The following IL12RB2 variants were observed in gnomAD, a reference collection of about 807,000 sequenced individuals.
IL12RB2 encodes interleukin 12 receptor subunit beta 2, also known as interleukin-12 receptor subunit beta-2.
IL12RB2 carries 82 observed loss-of-function variants against 89.4 expected under a neutral mutation model. The ratio of observed to expected loss-of-function variants is 0.92; its 90% confidence interval spans 0.77 to 1.10. The LOEUF is 1.10. IL12RB2 is among the 50% of genes least tolerant of loss of function. IL12RB2 has a pLI of 0.00. For missense variants in IL12RB2, 963 were observed against 1,031.9 expected, an observed-to-expected ratio of 0.93 and a Z score of 0.92; for synonymous variants, 368 against 370.1, an observed-to-expected ratio of 0.99 and a Z score of 0.07.
At chr1:67,339,734 GTGAA>G (rs1409943627) in intron 9 of IL12RB2, among the ~76,000 whole-genome samples, 2 of 152,150 alleles carry the variant, frequency 1.3e-5, no homozygotes, top group Admixed American at 1.3e-4. Context: ...GAATGAATGA[GTGAA>G]TGAAAAAACG....
At chr1:67,376,385 G>A (rs1006296052) in intron 13 of IL12RB2, among the ~76,000 whole-genome samples, 1 of 152,172 alleles carries the variant, frequency 6.6e-6, no homozygotes, top group Non-Finnish European at 1.5e-5. Context: ...CAGTAGCAGT[G>A]CAGCTGTTTT....
chr1:67,370,887 C>T (rs1228437685), intron 11 of IL12RB2, among the ~76,000 whole-genome samples: 4 of 152,160 alleles, frequency 2.6e-5, no homozygotes, highest in Non-Finnish European at 5.9e-5. Flanking sequence ...TAAAGGTAAG[C>T]CATTCACAAA....
chr1:67,358,314 G>T (rs750699551), intron 10 of IL12RB2, among the ~76,000 whole-genome samples: 1 of 152,132 alleles, frequency 6.6e-6, no homozygotes, highest in Non-Finnish European at 1.5e-5. Flanking sequence ...GGTGGCTCAC[G>T]CCTGTAATCC....
intron 16 of IL12RB2, among the ~76,000 whole-genome samples, chr1:67,390,867 C>T (rs1665737878): frequency 6.6e-6 from 1 of 152,124 alleles, no homozygotes; most frequent in Admixed American, 6.5e-5. Flanking sequence ...GGGGCTTTGA[C>T]AACTCCAGGC....
At chr1:67,311,905 C>T (rs774084925) in intron 1 of IL12RB2, among the ~76,000 whole-genome samples, 43 of 152,030 alleles carry the variant, frequency 2.8e-4, no homozygotes, top group African/African-American at 8.9e-4. Flanking sequence ...TATGAAAATA[C>T]TCAGTGGTTG....
chr1:67,315,317 G>C (rs1367137741), intron 2 of IL12RB2, among the ~76,000 whole-genome samples: 1 of 151,634 alleles, frequency 6.6e-6, no homozygotes, highest in Non-Finnish European at 1.5e-5. Flanking sequence ...TTTACTATTT[G>C]GAGAATGTTA....
intron 10 of IL12RB2, among the ~76,000 whole-genome samples, chr1:67,362,564 C>A: frequency 1.6e-5 from 2 of 121,966 alleles, no homozygotes; most frequent in African/African-American, 6.2e-5. Flanking sequence ...CAGAGCGAGA[C>A]TCCGTCTCAA....
chr1:67,357,565 A>G (rs1360943742), intron 10 of IL12RB2, among the ~76,000 whole-genome samples: 1 of 152,174 alleles, frequency 6.6e-6, no homozygotes, highest in Non-Finnish European at 1.5e-5. Flanking sequence ...CATCTCTTAA[A>G]CTTCAGTTGC....
chr1:67,348,269 A>G (rs924776169), intron 9 of IL12RB2, among the ~76,000 whole-genome samples: 2 of 152,100 alleles, frequency 1.3e-5, no homozygotes, highest in African/African-American at 4.8e-5. Flanking sequence ...ACCAAACCTC[A>G]CAATTAGAGA....
At chr1:67,358,099 A>T (rs2100899913) in intron 10 of IL12RB2, among the ~76,000 whole-genome samples, 1 of 152,302 alleles carries the variant, frequency 6.6e-6, no homozygotes, top group South Asian at 2.1e-4. Context: ...AGCCAAAGAA[A>T]AAAGTATAAC....
rs368112959 is a variant in IL12RB2 at position 67,326,743 on chromosome 1, G to A, written c.373G>A (p.Glu125Lys). 3 of 1,613,014 alleles carry A rather than the reference G, an allele frequency of 1.9e-6. No homozygotes were observed. Among genetic ancestry groups the A allele is most frequent in the Non-Finnish European group, 2.5e-6 (3 of 1,179,372 alleles). ...GTCTTTTCTTTTTAAAGTTGCTCCA[G>A]AACAGCCTCAAAATTTATCCTGCAT... ...GAEIFVGVAP[E>K]QPQNLSCIQK... Residue 125 changes from glutamate (E) to lysine (K), a missense_variant, in exon 5 of 17, where the codon GAA (glutamate) becomes AAA (lysine). Transcript: ENST00000674203.
At chr1:67,317,251 G>A (rs1461406280) in intron 2 of IL12RB2, among the ~76,000 whole-genome samples, 1 of 152,170 alleles carries the variant, frequency 6.6e-6, no homozygotes, top group Non-Finnish European at 1.5e-5. Context: ...AGCTCACAGA[G>A]GCCATTGTAT....
intron 4 of IL12RB2, among the ~76,000 whole-genome samples, chr1:67,325,337 G>A (rs1333556969): frequency 3.3e-5 from 5 of 152,218 alleles, no homozygotes; most frequent in Middle Eastern, 3.4e-3. Context: ...ATCTCAGCTC[G>A]TCGCAACCTC....
At chr1:67,354,153 G>A (rs1661131521) in intron 10 of IL12RB2, among the ~76,000 whole-genome samples, 1 of 152,150 alleles carries the variant, frequency 6.6e-6, no homozygotes, top group Non-Finnish European at 1.5e-5. Context: ...GGGGGCTCTA[G>A]GAACAGAGAA....
intron 9 of IL12RB2, among the ~76,000 whole-genome samples, chr1:67,342,756 C>CAT (rs1659786981): frequency 8.6e-6 from 1 of 116,922 alleles, no homozygotes; most frequent in African/African-American, 2.7e-5. Context: ...TTTTTAAAAT[C>CAT]ACACCTTTTT....
intron 15 of IL12RB2, among the ~76,000 whole-genome samples, chr1:67,387,477 C>T (rs7555020): frequency 6.6e-6 from 1 of 150,826 alleles, no homozygotes; most frequent in African/African-American, 2.4e-5. Flanking sequence ...CTGAGGCGGG[C>T]GGATCACCAG....
At chr1:67,388,592 C>A (rs1039778308) in intron 15 of IL12RB2, among the ~76,000 whole-genome samples, 3 of 152,188 alleles carry the variant, frequency 2.0e-5, no homozygotes, top group Non-Finnish European at 2.9e-5. Context: ...GATCCACCCA[C>A]CTCAGTCTCC....
At chr1:67,358,542 C>T (rs1408939734) in intron 10 of IL12RB2, among the ~76,000 whole-genome samples, 1 of 151,854 alleles carries the variant, frequency 6.6e-6, no homozygotes, top group Non-Finnish European at 1.5e-5. Flanking sequence ...TGCCACTGCA[C>T]TCCAGCCTGG....
intron 11 of IL12RB2, among the ~76,000 whole-genome samples, chr1:67,371,477 G>A (rs886139403): frequency 4.0e-5 from 6 of 151,116 alleles, no homozygotes; most frequent in Non-Finnish European, 7.4e-5. Context: ...CTACCTATCG[G>A]CAGGGCATTA....
Sources: allele counts gnomAD v4.1 joint callset (sites outside exome capture counted in the v4.1 genomes callset), GRCh38; gene constraint gnomAD v4.1.1; transcripts MANE v1.5; gene names NCBI Gene and HGNC (gene_info 2026-07-23, HGNC 2026-07-21).